Variants in UBXN7 observed in about 807,000 individuals in gnomAD.
UBXN7 encodes the protein UBX domain-containing protein 7.
UBXN7 carries 9 observed loss-of-function variants against 58.0 expected under a neutral mutation model. The ratio of observed to expected loss-of-function variants is 0.16; its 90% CI spans 0.09 to 0.27. The LOEUF (loss-of-function observed/expected upper bound fraction) is 0.27. Among genes scored for constraint, UBXN7 ranks in the 10% least tolerant of loss-of-function variants. The pLI is 1.00. For synonymous variants in UBXN7, 208 were observed against 205.0 expected, an observed-to-expected ratio of 1.01 and a Z score of -0.12; for missense variants, 328 against 599.6, an observed-to-expected ratio of 0.55 and a Z score of 4.73.
chr3:196,354,358 G>A lies in UBXN7; in HGVS notation c.*2327C>T, dbSNP rs1052719518. Reference sequence around the variant, plus strand: ...TCGGAAAGAACCACACCCTCTCACTGATGAACACGTTGGCAGTTCTCCCAA... The same window carrying A: ...TCGGAAAGAACCACACCCTCTCACTAATGAACACGTTGGCAGTTCTCCCAA... On this transcript the variant is annotated 3_prime_UTR_variant, in exon 11 of 11. Coordinates refer to ENST00000296328, the MANE Select transcript of UBXN7 (RefSeq NM_015562.2). 2 of 152,186 alleles carry A rather than the reference G, an allele frequency of 1.3e-5. No individual in the cohort carries two copies. Among genetic ancestry groups the A allele is most frequent in the African/African-American group, 4.8e-5 (2 of 41,434 alleles). 9.4% of individuals were successfully genotyped at this position (152,186 alleles called of 1,614,324 possible). A position where few individuals can be genotyped will look rare whatever the true frequency, so the allele number is the denominator to read the frequency against.
intron 7 of UBXN7, among the ~76,000 whole-genome samples, chr3:196,368,965 G>A (rs1728744718): frequency 6.6e-6 from 1 of 152,088 alleles, no homozygotes; most frequent in Non-Finnish European, 1.5e-5. Context: ...TGGGACTACA[G>A]GTGCCCGCCA....
At chr3:196,431,570 T>C in intron 1 of UBXN7, 1 of 160,944 alleles carries the variant, frequency 6.2e-6, no homozygotes, top group South Asian at 1.3e-4. Flanking sequence ...CCCTATCTTA[T>C]CAGCAGGAGG....
chr3:196,419,833 A>G (rs1028294028), intron 1 of UBXN7, among the ~76,000 whole-genome samples: 2 of 152,218 alleles, frequency 1.3e-5, no homozygotes, highest in African/African-American at 2.4e-5. Context: ...ATCTGTGTTA[A>G]ACCACTCAAT....
rs544515509 is a variant in UBXN7 at position 196,368,403 on chromosome 3, TC to T, written c.707-249del. Among the ~76,000 whole-genome samples the T allele has an allele frequency of 9.4e-4, 143 of 152,274 alleles. 1 individual carries two copies. In the South Asian group the frequency reaches 0.029, roughly 31 times the overall value. Reference sequence around the variant, plus strand: ...AAAACCAGGATCTATAAAGGTAATATCTAGAATCTTTCTGAACATTCTCATT... The same window carrying T: ...AAAACCAGGATCTATAAAGGTAATATTAGAATCTTTCTGAACATTCTCATT... On this transcript the variant is annotated intron_variant, in intron 7 of 10. Coordinates refer to ENST00000296328, the MANE Select transcript of UBXN7 (RefSeq NM_015562.2).
chr3:196,390,215 T>C (rs1446538372), intron 5 of UBXN7, among the ~76,000 whole-genome samples: 1 of 150,794 alleles, frequency 6.6e-6, no homozygotes, highest in Non-Finnish European at 1.5e-5. Context: ...TGAGAACCTG[T>C]CTCAAAAAAA....
At chr3:196,417,678 G>A (rs1408556976) in intron 1 of UBXN7, among the ~76,000 whole-genome samples, 4 of 136,868 alleles carry the variant, frequency 2.9e-5, no homozygotes, top group South Asian at 2.4e-4. Flanking sequence ...CGAGGCAGAC[G>A]GACTGCTTGA....
chr3:196,402,116 G>A (rs888035001), intron 3 of UBXN7, among the ~76,000 whole-genome samples: 5 of 152,034 alleles, frequency 3.3e-5, no homozygotes, highest in African/African-American at 9.7e-5. Context: ...CAGCCTCCCG[G>A]TTTAAGCAAT....
At chr3:196,361,285 TG>T (rs1319112625) in intron 10 of UBXN7, among the ~76,000 whole-genome samples, 2 of 152,212 alleles carry the variant, frequency 1.3e-5, no homozygotes, top group African/African-American at 4.8e-5. Context: ...GGAGGGGGGT[TG>T]CTTCTTATGG....
At chr3:196,384,063 AAAG>A (rs1323431337) in intron 5 of UBXN7, among the ~76,000 whole-genome samples, 2 of 152,224 alleles carry the variant, frequency 1.3e-5, no homozygotes, top group Non-Finnish European at 1.5e-5. Context: ...CAAGACTAAT[AAAG>A]AAGAAAAGAG....
intron 1 of UBXN7, chr3:196,432,042 G>A (rs1271444068): frequency 1.8e-6 from 1 of 565,408 alleles, no homozygotes; most frequent in Non-Finnish European, 3.2e-6. Flanking sequence ...GGCCGGCGGG[G>A]GCGGACGGAC....
chr3:196,361,435 A>C (rs1172560203), intron 10 of UBXN7, among the ~76,000 whole-genome samples: 2 of 152,168 alleles, frequency 1.3e-5, no homozygotes, highest in African/African-American at 4.8e-5. Context: ...GAGAAGACTG[A>C]CTCCAGTTTT....
intron 8 of UBXN7, among the ~76,000 whole-genome samples, chr3:196,365,320 A>C (rs1485167757): frequency 1.3e-5 from 2 of 152,024 alleles, no homozygotes; most frequent in Non-Finnish European, 2.9e-5. Context: ...AACACAAATT[A>C]ATAAATGACC....
At position 196,351,513 on chromosome 3, in the gene UBXN7, A is replaced by T. The variant is rs1168909302; in HGVS notation, c.*5172T>A. On this transcript the variant is annotated 3_prime_UTR_variant, in exon 11 of 11. Coordinates refer to ENST00000296328, the MANE Select transcript of UBXN7 (RefSeq NM_015562.2). ...AAAAAGAGAGAAAAAAAAAGTAAAG[A>T]AACTGATTAACCAGCACACTTTTAA... The T allele has an allele frequency of 6.6e-6, 1 of 152,180 alleles. No individual in the cohort carries two copies. Among genetic ancestry groups the T allele is most frequent in the Admixed American group, 6.5e-5 (1 of 15,270 alleles). The allele number at this position is 152,180 out of a possible 1,614,324, so 9.4% of individuals were successfully genotyped here. A position where few individuals can be genotyped will look rare whatever the true frequency, so the allele number is the denominator to read the frequency against.
At chr3:196,415,577 C>T in intron 1 of UBXN7, among the ~76,000 whole-genome samples, 1 of 148,790 alleles carries the variant, frequency 6.7e-6, no homozygotes, top group East Asian at 2.0e-4. Flanking sequence ...AGCTCAAGAC[C>T]ATCCTGGCCA....
intron 1 of UBXN7, among the ~76,000 whole-genome samples, chr3:196,430,247 C>T (rs953955540): frequency 2.0e-5 from 3 of 151,550 alleles, no homozygotes; most frequent in East Asian, 1.9e-4. Flanking sequence ...CCCAGCTACT[C>T]GGGAGGCTGA....
chr3:196,422,109 A>G (rs1423662434), intron 1 of UBXN7, among the ~76,000 whole-genome samples: 1 of 152,072 alleles, frequency 6.6e-6, no homozygotes, highest in African/African-American at 2.4e-5. Flanking sequence ...GTGAGGCAGG[A>G]GAATCGCTTG....
chr3:196,368,495 G>C (rs895962735), intron 7 of UBXN7, among the ~76,000 whole-genome samples: 1 of 152,084 alleles, frequency 6.6e-6, no homozygotes, highest in Non-Finnish European at 1.5e-5. Flanking sequence ...GGATCTTTCT[G>C]AACATTCTCA....
At position 196,362,627 on chromosome 3, in the gene UBXN7, G is replaced by T; in HGVS notation, c.895C>A (p.Gln299Lys). Reference protein sequence around the residue: ...QLEAAIRASLQETHFDSTQTK... With the variant: ...QLEAAIRASLKETHFDSTQTK... ...TGTGTTGAATCAAAATGTGTTTCTT[G>T]TAAGGAGGCTCTGATGGCAGCTTCT... The change falls in exon 9 of 11, where the codon CAA (glutamine) becomes AAA (lysine). Residue 299 changes from glutamine to lysine, a missense_variant. This residue lies in a region of UBXN7 where 126 missense variants were observed against 302.6 expected (regional missense o/e 0.42). Transcript: ENST00000296328. 6.2e-7 allele frequency: 1 copy of T among 1,613,744 alleles called. No individual in the cohort carries two copies.
Position 196,356,336 on chromosome 3 carries a change from T to C in UBXN7, c.*349A>G, listed in dbSNP as rs1728348203. 5.9e-6 allele frequency: 1 copy of C among 168,498 alleles called. No individual in the cohort carries two copies. The highest frequency in any genetic ancestry group is 2.4e-5 in the African/African-American group (1 of 41,836). The allele number at this position is 168,498 out of a possible 1,614,324, so 10.4% of individuals were successfully genotyped here. ...ACGTTAACATTTGATCCCAAAAAAGTGCCGTGCAAGAGACCACTTACTGGA... is the reference window on the plus strand; with the variant it reads ...ACGTTAACATTTGATCCCAAAAAAGCGCCGTGCAAGAGACCACTTACTGGA... On this transcript the variant is annotated 3_prime_UTR_variant, in exon 11 of 11. Coordinates refer to ENST00000296328, the MANE Select transcript of UBXN7 (RefSeq NM_015562.2).
Sources: allele counts gnomAD v4.1 joint callset (sites outside exome capture counted in the v4.1 genomes callset), GRCh38; gene constraint gnomAD v4.1.1; regional missense constraint gnomAD v4.1.1; transcripts MANE v1.5; gene names NCBI Gene and HGNC (gene_info 2026-07-23, HGNC 2026-07-21).